SMO: variants seen among roughly 807,000 people sequenced by gnomAD.
SMO encodes smoothened, frizzled class receptor, also known as protein smoothened.
A neutral mutation model predicts 81.6 loss-of-function variants in SMO; 40 were observed. That is an observed-to-expected ratio of 0.49 (90% CI 0.38 to 0.64). The LOEUF (loss-of-function observed/expected upper bound fraction) is 0.64. Among genes scored for constraint, SMO ranks in the 30% least tolerant of loss-of-function variants. The probability of loss-of-function intolerance (pLI) is 0.00; values close to 1 mark genes in which losing one functional copy is unlikely to be tolerated. For synonymous variants in SMO, 434 were observed against 432.1 expected (o/e 1.00, Z -0.05); for missense variants, 916 against 1,061.1 (o/e 0.86, Z 1.90).
chr7:129,199,997 A>AT (rs1189655302), intron 1 of SMO, among the ~76,000 whole-genome samples: 6 of 152,084 alleles, frequency 3.9e-5, no homozygotes, highest in Non-Finnish European at 8.8e-5. Flanking sequence ...TTGAAAATAC[A>AT]TTTTTTCAGT....
In SMO at chr7:129,189,163, C is replaced by T. The variant is rs1793442299; in HGVS notation, c.12C>T (p.Ala4=). Residue 4 remains alanine, a synonymous_variant, in exon 1 of 12, where the codon GCC becomes GCT. Transcript: ENST00000249373. This position sits in a 1 kb window ranked among gnomAD's most constrained non-coding sequence, Gnocchi z 4.7. ...TGGCGGGGTTGGCCATGGCCGCTGC[C>T]CGCCCAGCGCGGGGGCCGGAGCTCC... MAA[A]RPARGPELPL... 8 of 1,187,708 alleles carry T rather than the reference C, an allele frequency of 6.7e-6. No individual in the cohort carries two copies. The South Asian group carries it at 3.4e-4, about 50-fold the overall frequency. 73.6% of individuals were successfully genotyped at this position (1,187,708 alleles called of 1,614,324 possible).
chr7:129,201,451 T>C (rs970906705), intron 1 of SMO, among the ~76,000 whole-genome samples: 4 of 152,148 alleles, frequency 2.6e-5, no homozygotes, highest in African/African-American at 7.2e-5. Flanking sequence ...TCCAGTAAAA[T>C]TGACTTTTTC....
In SMO at chr7:129,208,794, C is replaced by T. The variant is rs1793814819; in HGVS notation, c.1300C>T (p.Pro434Ser). 4 of 1,613,854 alleles carry T rather than the reference C, an allele frequency of 2.5e-6. No homozygotes were observed. The East Asian group carries it at 8.9e-5, about 36-fold the overall frequency. ...MTLFSIKSNHPGLLSEKAASK... is the reference protein window; with the variant it reads ...MTLFSIKSNHSGLLSEKAASK... ...TCTGTTCTCCATCAAGAGCAACCAC[C>T]CCGGGCTGCTGAGTGAGAAGGCTGC... The change falls in exon 7 of 12, where the codon CCC (proline) becomes TCC (serine). Residue 434 changes from proline to serine, a missense_variant. Around this residue, in one of 4 missense-constraint regions of SMO, gnomAD observed 436 missense variants for 570.9 expected, o/e 0.76. Transcript: ENST00000249373. The surrounding 1 kb of genome is among the most constrained non-coding windows in gnomAD (Gnocchi z 5.2).
intron 2 of SMO, among the ~76,000 whole-genome samples, chr7:129,203,792 A>G (rs1021493911): frequency 6.6e-6 from 1 of 152,168 alleles, no homozygotes; most frequent in African/African-American, 2.4e-5. Flanking sequence ...TTATTTATCA[A>G]TGATCACATG....
Position 129,205,690 on chromosome 7 carries a change from G to A in SMO, c.828G>A (p.Val276=), listed in dbSNP as rs2150649192. The A allele has an allele frequency of 6.2e-7, 1 of 1,613,670 alleles. No homozygotes were observed. Among genetic ancestry groups the A allele is most frequent in the Non-Finnish European group, 8.5e-7 (1 of 1,179,968 alleles). Residue 276 remains valine (V), a synonymous_variant, in exon 4 of 12, where the codon GTG becomes GTA. Transcript: ENST00000249373. The part of the protein sequence containing the change: ...ILFYVNACFF[V]GSIGWLAQFM... The stretch of plus-strand genomic sequence containing the variant: ...TCTACGTCAATGCGTGCTTCTTTGT[G>A]GGCAGCATTGGCTGGCTGGCCCAGT...
At chr7:129,197,744 A>G (rs1793609954) in intron 1 of SMO, among the ~76,000 whole-genome samples, 1 of 152,018 alleles carries the variant, frequency 6.6e-6, no homozygotes, top group Admixed American at 6.6e-5. Flanking sequence ...TTTTTTTTGC[A>G]TCCATTGAGA....
At chr7:129,198,015 G>A (rs1021340419) in intron 1 of SMO, among the ~76,000 whole-genome samples, 11 of 152,140 alleles carry the variant, frequency 7.2e-5, no homozygotes, top group Admixed American at 1.3e-4. Context: ...TCTCTTTCTC[G>A]TTTCAGTTTC....
Position 129,212,240 on chromosome 7 carries a change from C to A in SMO, c.2153C>A (p.Ala718Asp), listed in dbSNP as rs2150656859. 2 of 1,596,976 alleles carry A rather than the reference C, an allele frequency of 1.3e-6. No homozygotes were observed. Among genetic ancestry groups the A allele is most frequent in the Non-Finnish European group, 1.7e-6 (2 of 1,171,762 alleles). The change falls in exon 12 of 12, where the codon GCC becomes GAC. Residue 718 changes from alanine to aspartate, a missense_variant. Ala to Asp is a moderately radical substitution (Grantham distance 126). This residue lies in a region of SMO where 324 missense variants were observed against 312.9 expected (regional missense o/e 1.04). Transcript: ENST00000249373. This position sits in a 1 kb window ranked among gnomAD's most constrained non-coding sequence, Gnocchi z 5.0. The stretch of plus-strand genomic sequence containing the variant: ...CAGAAATGCCTGGTGGCTGCAGGTG[C>A]CTGGGGAGCTGGGGACTCTTGCCGA... ...PRQKCLVAAG[A>D]WGAGDSCRQG...
Position 129,203,478 on chromosome 7 carries a change from C to T in SMO, c.426C>T (p.Pro142=), listed in dbSNP as rs1408461929. 10 of 1,594,948 alleles carry T rather than the reference C, an allele frequency of 6.3e-6. No individual in the cohort carries two copies. Among genetic ancestry groups the T allele is most frequent in the African/African-American group, 4.0e-5 (3 of 74,650 alleles). ...PKCENDRVEL[P]SRTLCQATRG... is the part of the protein sequence containing the mutation. The stretch of plus-strand genomic sequence containing the variant: ...GTGAGAATGACCGGGTGGAGCTGCC[C>T]AGCCGTACCCTCTGCCAGGCCACCC... Residue 142 remains proline, a synonymous_variant, in exon 2 of 12, where the codon CCC becomes CCT. Coordinates refer to ENST00000249373, the MANE Select transcript of SMO (RefSeq NM_005631.5).
At chr7:129,205,588 A>G in intron 3 of SMO, 22 bp from the exon 4 acceptor site, 1 of 1,605,610 alleles carries the variant, frequency 6.2e-7, no homozygotes, top group South Asian at 1.1e-5. Context: ...ACCTCACAGA[A>G]TGGCCCACTT....
intron 1 of SMO, among the ~76,000 whole-genome samples, chr7:129,202,572 C>T (rs955283976): frequency 6.6e-6 from 1 of 152,124 alleles, no homozygotes; most frequent in Non-Finnish European, 1.5e-5. Flanking sequence ...GGGAGATTGC[C>T]GCCTGTTTCT....
At chr7:129,191,871 C>T (rs775134061) in intron 1 of SMO, among the ~76,000 whole-genome samples, 17 of 152,132 alleles carry the variant, frequency 1.1e-4, no homozygotes, top group Admixed American at 2.0e-4. Flanking sequence ...TGAATGTTTG[C>T]TGTATGTCAC....
rs1793885683 is a variant in SMO at position 129,212,245 on chromosome 7, G to A, written c.2158G>A (p.Gly720Arg). 1.2e-6 allele frequency: 2 copies of A among 1,600,636 alleles called. No individual in the cohort carries two copies. Among genetic ancestry groups the A allele is most frequent in the Non-Finnish European group, 8.5e-7 (1 of 1,173,662 alleles). The change falls in exon 12 of 12, where the codon GGA becomes AGA. Residue 720 changes from glycine (G) to arginine (R), a missense_variant. Transcript: ENST00000249373. The surrounding 1 kb of genome is among the most constrained non-coding windows in gnomAD (Gnocchi z 5.0). ...ATGCCTGGTGGCTGCAGGTGCCTGGGGAGCTGGGGACTCTTGCCGACAGGG... is the reference window on the plus strand; with the variant it reads ...ATGCCTGGTGGCTGCAGGTGCCTGGAGAGCTGGGGACTCTTGCCGACAGGG... Reference protein sequence around the residue: ...QKCLVAAGAWGAGDSCRQGAW... With the variant: ...QKCLVAAGAWRAGDSCRQGAW...
chr7:129,202,841 CCCCGGGGAG>C (rs1793692800), intron 1 of SMO, among the ~76,000 whole-genome samples: 2 of 152,166 alleles, frequency 1.3e-5, no homozygotes, highest in African/African-American at 4.8e-5. Context: ...GGTAAATCCA[CCCCGGGGAG>C]CTCTACCAGA....
intron 1 of SMO, among the ~76,000 whole-genome samples, chr7:129,202,478 GA>G (rs918508362): frequency 1.3e-5 from 2 of 152,198 alleles, no homozygotes; most frequent in African/African-American, 4.8e-5. Context: ...TCTTGCTTGG[GA>G]AATAGATATT....
At chr7:129,205,874 G>A in intron 4 of SMO, 92 bp downstream of exon 4, 3 of 1,200,014 alleles carry the variant, frequency 2.5e-6, no homozygotes, top group Non-Finnish European at 3.5e-6. Flanking sequence ...GTAAAACCGA[G>A]ATCCAGGGCA....
intron 1 of SMO, among the ~76,000 whole-genome samples, chr7:129,200,759 T>C (rs768698872): frequency 2.0e-5 from 3 of 152,234 alleles, no homozygotes; most frequent in Non-Finnish European, 4.4e-5. Flanking sequence ...TTTGTTTTAA[T>C]GAGTCTTGCT....
intron 1 of SMO, among the ~76,000 whole-genome samples, chr7:129,202,635 T>TC (rs1210908230): frequency 2.0e-5 from 3 of 152,106 alleles, no homozygotes; most frequent in African/African-American, 7.2e-5. Flanking sequence ...CCTCTTCTGT[T>TC]CCTCTCCATC....
intron 1 of SMO, among the ~76,000 whole-genome samples, chr7:129,199,848 T>C (rs1053155696): frequency 6.6e-6 from 1 of 152,252 alleles, no homozygotes; most frequent in Non-Finnish European, 1.5e-5. Context: ...TTATACTTTT[T>C]ATCACAGTGA....
Sources: allele counts gnomAD v4.1 joint callset (sites outside exome capture counted in the v4.1 genomes callset), GRCh38; gene constraint gnomAD v4.1.1; regional missense constraint gnomAD v4.1.1; non-coding constraint Gnocchi (gnomAD v3.1); transcripts MANE v1.5; gene names NCBI Gene and HGNC (gene_info 2026-07-23, HGNC 2026-07-21).